Variants in QSOX1 observed in about 807,000 individuals in gnomAD.
The protein encoded by QSOX1 is sulfhydryl oxidase 1.
QSOX1 carries 40 observed loss-of-function variants against 76.1 expected under a neutral mutation model. The ratio of observed to expected loss-of-function variants is 0.53; its 90% CI spans 0.41 to 0.68. The LOEUF (loss-of-function observed/expected upper bound fraction) is 0.68, where lower values mean the gene tolerates loss of function less well. Among genes scored for constraint, QSOX1 ranks in the 30% least tolerant of loss-of-function variants. QSOX1 has a pLI of 0.00. For missense variants in QSOX1, 931 were observed against 974.3 expected, an observed-to-expected ratio of 0.96 and a Z score of 0.59; for synonymous variants, 392 against 413.1, an observed-to-expected ratio of 0.95 and a Z score of 0.62.
rs1663525163 is a variant in QSOX1 at position 180,197,398 on chromosome 1, A to G, written c.*361A>G. ...CTCTCCTGCTTGGTCTTGGCCCTCA[A>G]CTGGGGCAAGTGAAGCCAGAGGAGG... On this transcript the variant is annotated 3_prime_UTR_variant, in exon 12 of 12. Coordinates refer to ENST00000367602, the MANE Select transcript of QSOX1 (RefSeq NM_002826.5). 6.8e-6 allele frequency: 11 copies of G among 1,612,078 alleles called. No individual in the cohort carries two copies. Among genetic ancestry groups the G allele is most frequent in the Middle Eastern group, 1.6e-4 (1 of 6,078 alleles).
rs747395265 is a variant in QSOX1 at position 180,196,340 on chromosome 1, G to A, written c.1547G>A (p.Arg516His). Residue 516 changes from arginine to histidine, a missense_variant, in exon 12 of 12, where the codon CGC becomes CAC. Physicochemically the swap from Arg to His is conservative, Grantham distance 29. Coordinates refer to ENST00000367602, the MANE Select transcript of QSOX1 (RefSeq NM_002826.5). The surrounding 1 kb of genome is among the most constrained non-coding windows in gnomAD (Gnocchi z 4.1). ...RELCSACHNE[R>H]LDVPVWDVEA... ...CTTTGTTCTGCCTGCCACAATGAAC[G>A]CCTGGATGTGCCCGTGTGGGACGTG... 90 of 1,614,010 alleles carry A rather than the reference G, an allele frequency of 5.6e-5. No homozygotes were observed. Among genetic ancestry groups the A allele is most frequent in the African/African-American group, 8.0e-5 (6 of 74,912 alleles).
At chr1:180,184,594 C>CGTAA (rs1275822310) in intron 7 of QSOX1, among the ~76,000 whole-genome samples, 5 of 152,130 alleles carry the variant, frequency 3.3e-5, no homozygotes, top group African/African-American at 1.2e-4. Context: ...TGTCCACAGT[C>CGTAA]GTAAGCATGA....
rs1450599091 is a variant in QSOX1, at chr1:180,197,004, C to G, written c.2211C>G (p.Ala737=). 1.9e-6 allele frequency: 3 copies of G among 1,612,066 alleles called. 1 individual carries two copies. In the South Asian group the frequency reaches 3.3e-5, roughly 18 times the overall value. Residue 737 remains alanine (A), a synonymous_variant, in exon 12 of 12, where the codon GCC becomes GCG. Coordinates refer to ENST00000367602, the MANE Select transcript of QSOX1 (RefSeq NM_002826.5). The stretch of plus-strand genomic sequence containing the variant: ...CCTACTTCCAGGCCAAGATAAGGGC[C>G]CTGAAGGGCCATGCTGGCCACCCTG... ...MYTYFQAKIR[A]LKGHAGHPAA is the part of the protein sequence containing the mutation.
intron 10 of QSOX1, among the ~76,000 whole-genome samples, chr1:180,193,606 T>C (rs1282212988): frequency 1.4e-5 from 2 of 148,080 alleles, no homozygotes; most frequent in African/African-American, 5.0e-5. Context: ...AGGAGTGGTG[T>C]CCTCAGCGGG....
At chr1:180,159,221 T>C (rs1319301848) in intron 1 of QSOX1, among the ~76,000 whole-genome samples, 2 of 152,218 alleles carry the variant, frequency 1.3e-5, no homozygotes, top group East Asian at 3.9e-4. Context: ...ATTACGCTGT[T>C]CAGAGCAATA....
intron 5 of QSOX1, 37 bp from the exon 6 acceptor site, chr1:180,182,137 G>C: frequency 6.2e-7 from 1 of 1,608,212 alleles, no homozygotes; most frequent in Non-Finnish European, 8.5e-7. Context: ...CCCTCCACCC[G>C]GTGGCCTGGC....
rs902946407 is a variant in QSOX1, at chr1:180,191,947, G to A, written c.1288+1367G>A. Among the ~76,000 whole-genome samples, 15 of 152,004 alleles carry A rather than the reference G, an allele frequency of 9.9e-5. No homozygotes were observed. The South Asian group carries it at 1.2e-3, about 13-fold the overall frequency. ...GCCTCTCCTTGGCTGGGCGGTGGTC[G>A]TCTTCTCCTTGTGTCTCCGTGCAGT... is the stretch of plus-strand genomic sequence containing the variant. On this transcript the variant is annotated intron_variant, in intron 10 of 11. Coordinates refer to ENST00000367602, the MANE Select transcript of QSOX1 (RefSeq NM_002826.5).
chr1:180,173,294 A>G (rs1321430518), intron 2 of QSOX1, among the ~76,000 whole-genome samples: 1 of 152,086 alleles, frequency 6.6e-6, no homozygotes, highest in Non-Finnish European at 1.5e-5. Flanking sequence ...CCAAACCCCA[A>G]ATAGATGTAT....
In QSOX1 at chr1:180,157,990, A is replaced by C. The variant is rs375327682; in HGVS notation, c.265+2818A>C. The stretch of plus-strand genomic sequence containing the variant: ...TCTGATCACCAGAGGCCTTCATGCC[A>C]GTAGTTATTTATTACACGCTTGCCT... On this transcript the variant is annotated intron_variant, in intron 1 of 11. Coordinates refer to ENST00000367602, the MANE Select transcript of QSOX1 (RefSeq NM_002826.5). 2.0e-4 allele frequency among the ~76,000 whole-genome samples: 30 copies of C among 152,352 alleles called. 2 individuals carry two copies. In the East Asian group the frequency reaches 5.2e-3, roughly 26 times the overall value.
chr1:180,179,654 G>C (rs1357944748), intron 5 of QSOX1, among the ~76,000 whole-genome samples: 1 of 152,254 alleles, frequency 6.6e-6, no homozygotes, highest in Non-Finnish European at 1.5e-5. Flanking sequence ...TGCAAAGGTG[G>C]GACGTGCCAG....
At chr1:180,162,227 T>G (rs1252381373) in intron 1 of QSOX1, among the ~76,000 whole-genome samples, 1 of 152,194 alleles carries the variant, frequency 6.6e-6, no homozygotes, top group East Asian at 1.9e-4. Flanking sequence ...TAAATATAAC[T>G]CAAAGAAGAT....
intron 2 of QSOX1, among the ~76,000 whole-genome samples, chr1:180,173,261 C>T (rs10913938): frequency 0.72 from 109,619 of 151,996 alleles, 41,691 homozygotes; most frequent in Non-Finnish European, 0.85. Context: ...TGCACCTGAC[C>T]TGGTTTATTA....
Position 180,155,150 on chromosome 1 carries a change from G to A in QSOX1, c.243G>A (p.Lys81=). The A allele has an allele frequency of 2.0e-6, 3 of 1,519,316 alleles. No individual in the cohort carries two copies. The highest frequency in any genetic ancestry group is 2.6e-6 in the Non-Finnish European group (3 of 1,137,896). 94.1% of individuals were successfully genotyped at this position (1,519,316 alleles called of 1,614,324 possible). Residue 81 remains lysine, a synonymous_variant, in exon 1 of 12, where the codon AAG becomes AAA. Transcript: ENST00000367602. ...GHCIAFAPTW[K]ALAEDVKAWR... The stretch of plus-strand genomic sequence containing the variant: ...GCATCGCCTTCGCCCCGACGTGGAA[G>A]GCGCTGGCCGAAGACGTCAAAGGTG...
intron 5 of QSOX1, among the ~76,000 whole-genome samples, chr1:180,179,283 C>T (rs1426827438): frequency 6.6e-6 from 1 of 152,174 alleles, no homozygotes; most frequent in African/African-American, 2.4e-5. Flanking sequence ...TCCACAGTGT[C>T]CCACTCCATG....
chr1:180,197,428 C>T lies in QSOX1; in HGVS notation c.*391C>T, dbSNP rs1344188671. On this transcript the variant is annotated 3_prime_UTR_variant, in exon 12 of 12. Coordinates refer to ENST00000367602, the MANE Select transcript of QSOX1 (RefSeq NM_002826.5). ...GGCAAGTGAAGCCAGAGGAGGGTCCCCCAGCTGGGTGGGCTGGAATGGAAC... is the reference window on the plus strand; with the variant it reads ...GGCAAGTGAAGCCAGAGGAGGGTCCTCCAGCTGGGTGGGCTGGAATGGAAC... 6.3e-7 allele frequency: 1 copy of T among 1,590,384 alleles called. No individual in the cohort carries two copies. The highest frequency in any genetic ancestry group is 8.6e-7 in the Non-Finnish European group (1 of 1,160,920).
Position 180,203,900 on chromosome 1 carries a change from C to A in QSOX1, c.*6863C>A, listed in dbSNP as rs2149246038. 1 of 152,274 alleles carries A rather than the reference C, an allele frequency of 6.6e-6. No homozygotes were observed. The highest frequency in any genetic ancestry group is 1.9e-4 in the East Asian group (1 of 5,188). 9.4% of individuals were successfully genotyped at this position (152,274 alleles called of 1,614,324 possible). A position where few individuals can be genotyped will look rare whatever the true frequency, so the allele number is the denominator to read the frequency against. On this transcript the variant is annotated 3_prime_UTR_variant, in exon 12 of 12. Coordinates refer to ENST00000367602, the MANE Select transcript of QSOX1 (RefSeq NM_002826.5). ...ACCTGTTCTGGGTTCTGAGGGCTGT[C>A]CAATTACTGAATCATACATAAAAGC...
At chr1:180,186,598 CT>C (rs1354097860) in intron 8 of QSOX1, among the ~76,000 whole-genome samples, 1 of 152,258 alleles carries the variant, frequency 6.6e-6, no homozygotes, top group African/African-American at 2.4e-5. Context: ...ATACTCCTTG[CT>C]TCCCTCCCAG....
At position 180,197,169 on chromosome 1, in the gene QSOX1, T is replaced by G; in HGVS notation, c.*132T>G. 1 of 1,520,494 alleles carries G rather than the reference T, an allele frequency of 6.6e-7. No individual in the cohort carries two copies. Among genetic ancestry groups the G allele is most frequent in the South Asian group, 1.3e-5 (1 of 77,524 alleles). 94.2% of individuals were successfully genotyped at this position (1,520,494 alleles called of 1,614,324 possible). On this transcript the variant is annotated 3_prime_UTR_variant, in exon 12 of 12. Coordinates refer to ENST00000367602, the MANE Select transcript of QSOX1 (RefSeq NM_002826.5). ...GTGTGGGAAATTCAGGAAAACGAGT[T>G]GCTCCAGTGAAGCTTCTTGGGGTTG...
At chr1:180,158,508 G>A (rs747983965) in intron 1 of QSOX1, among the ~76,000 whole-genome samples, 4 of 152,182 alleles carry the variant, frequency 2.6e-5, no homozygotes, top group Non-Finnish European at 5.9e-5. Flanking sequence ...GACTCAGACC[G>A]GGGGTGTCAG....
Sources: allele counts gnomAD v4.1 joint callset (sites outside exome capture counted in the v4.1 genomes callset), GRCh38; gene constraint gnomAD v4.1.1; non-coding constraint Gnocchi (gnomAD v3.1); transcripts MANE v1.5; gene names NCBI Gene and HGNC (gene_info 2026-07-23, HGNC 2026-07-21).